The following MPDZ variants were observed in gnomAD, a reference collection of about 807,000 sequenced individuals.
The protein encoded by MPDZ is multiple PDZ domain crumbs cell polarity complex component.
A neutral mutation model predicts 239.1 loss-of-function variants in MPDZ; 234 were observed. The observed-to-expected ratio is 0.98, with a 90% CI of 0.88 to 1.09. The LOEUF is 1.09. Among genes scored for constraint, MPDZ ranks in the 50% least tolerant of loss-of-function variants. The pLI, the probability that MPDZ is intolerant of heterozygous loss-of-function variation, is 0.00. For missense variants in MPDZ, 3,175 were observed against 2,510.0 expected (o/e 1.26, Z -5.66); for synonymous variants, 1,048 against 881.3 (o/e 1.19, Z -3.35).
intron 1 of MPDZ, among the ~76,000 whole-genome samples, chr9:13,262,459 A>T (rs886732397): frequency 6.6e-6 from 1 of 152,126 alleles, no homozygotes. Flanking sequence ...TCAAAAAAAT[A>T]ATAATAAAAA....
intron 6 of MPDZ, 93 bp from the exon 7 acceptor site, chr9:13,221,593 A>G (rs1959100902): frequency 1.6e-6 from 2 of 1,286,400 alleles, no homozygotes; most frequent in Admixed American, 5.0e-5. Flanking sequence ...TTTTGTTAAT[A>G]TTAAATAATT....
At chr9:13,171,929 T>C (rs955653223) in intron 21 of MPDZ, among the ~76,000 whole-genome samples, 1 of 152,174 alleles carries the variant, frequency 6.6e-6, no homozygotes, top group East Asian at 1.9e-4. Context: ...ACTTTTCCAC[T>C]AGCACAAACC....
chr9:13,134,002 T>A, intron 31 of MPDZ, 98 bp from the exon 32 acceptor site: 1 of 416,166 alleles, frequency 2.4e-6, no homozygotes, highest in Non-Finnish European at 4.1e-6. Flanking sequence ...ATTTTATACA[T>A]TATATAAAAT....
At chr9:13,187,297 GA>G (rs987968717) in intron 17 of MPDZ, among the ~76,000 whole-genome samples, 21 of 147,552 alleles carry the variant, frequency 1.4e-4, no homozygotes, top group East Asian at 7.9e-4. Flanking sequence ...GAACTATACA[GA>G]AAAAAAAAAG....
At chr9:13,236,516 G>C (rs1817666123) in intron 3 of MPDZ, among the ~76,000 whole-genome samples, 1 of 150,798 alleles carries the variant, frequency 6.6e-6, no homozygotes, top group Non-Finnish European at 1.5e-5. Context: ...CCCGACCTCA[G>C]GTGACCCGCC....
intron 23 of MPDZ, among the ~76,000 whole-genome samples, chr9:13,158,479 A>G (rs1243780480): frequency 6.6e-6 from 1 of 152,180 alleles, no homozygotes; most frequent in Non-Finnish European, 1.5e-5. Flanking sequence ...GCAGGAAGCT[A>G]GAAGCACCAT....
intron 3 of MPDZ, among the ~76,000 whole-genome samples, chr9:13,244,403 C>G (rs962207079): frequency 2.0e-5 from 3 of 152,152 alleles, no homozygotes; most frequent in African/African-American, 7.2e-5. Context: ...TTGCATTTGA[C>G]AGATCATTGA....
At chr9:13,183,293 A>C in intron 19 of MPDZ, 125 bp downstream of exon 19, 1 of 711,856 alleles carries the variant, frequency 1.4e-6, no homozygotes, top group Non-Finnish European at 2.2e-6. Flanking sequence ...TCCAATAATG[A>C]ATCCACAACT....
At chr9:13,108,144 C>T (rs545311715) in intron 46 of MPDZ, among the ~76,000 whole-genome samples, 6 of 152,202 alleles carry the variant, frequency 3.9e-5, no homozygotes, top group African/African-American at 1.4e-4. Flanking sequence ...TTTTTAAACA[C>T]GTTTGACTAA....
chr9:13,246,434 T>C (rs1025965050), intron 3 of MPDZ, among the ~76,000 whole-genome samples: 1 of 152,154 alleles, frequency 6.6e-6, no homozygotes. Flanking sequence ...AGAATGAGAC[T>C]CTGTCTCAAA....
At position 13,187,619 on chromosome 9, in the gene MPDZ, C is replaced by T. The variant is rs549786257; in HGVS notation, c.2364+1165G>A. 9.3e-4 allele frequency among the ~76,000 whole-genome samples: 142 copies of T among 152,240 alleles called. 1 individual carries two copies. The highest frequency in any genetic ancestry group is 3.4e-3 in the Middle Eastern group (1 of 294). ...TATTTTAATAGGCTACTGAAATTCT[C>T]TGTGGACTAAAAAGTGGTGCACAAA... On this transcript the variant is annotated intron_variant, in intron 17 of 46. Coordinates refer to ENST00000319217, the MANE Select transcript of MPDZ (RefSeq NM_001378778.1).
rs1959495687 is a variant in MPDZ at position 13,223,556 on chromosome 9, C to A, written c.533+15G>T. ...TGTGGGATCAAAAACAAAGAAGACG[C>A]CGCGACCATCTCACCTATGGGCCAC... On this transcript the variant is annotated intron_variant, in intron 5 of 46. Transcript: ENST00000319217. The A allele has an allele frequency of 7.5e-6, 12 of 1,596,610 alleles. No homozygotes were observed. The East Asian group carries it at 2.7e-4, about 36-fold the overall frequency.
At chr9:13,218,324 T>C (rs930035780) in intron 8 of MPDZ, among the ~76,000 whole-genome samples, 1 of 151,930 alleles carries the variant, frequency 6.6e-6, no homozygotes, top group Middle Eastern at 3.4e-3. Flanking sequence ...CTTATGCGAG[T>C]GCTATTTTAG....
Position 13,106,613 on chromosome 9 carries a change from T to C in MPDZ, c.*352A>G, listed in dbSNP as rs1160724979. The C allele has an allele frequency of 5.8e-6, 1 of 171,990 alleles. No individual in the cohort carries two copies. The highest frequency in any genetic ancestry group is 1.5e-4 in the East Asian group (1 of 6,466). 10.7% of individuals were successfully genotyped at this position (171,990 alleles called of 1,614,324 possible). A position where few individuals can be genotyped will look rare whatever the true frequency, so the allele number is the denominator to read the frequency against. On this transcript the variant is annotated 3_prime_UTR_variant, in exon 47 of 47. Coordinates refer to ENST00000319217, the MANE Select transcript of MPDZ (RefSeq NM_001378778.1). ...TTTCATCCTAATTTACTGAAGCCAT[T>C]TTCTTTGGTTAGCTTTAGAATTATC...
chr9:13,196,212 G>T lies in MPDZ; in HGVS notation c.1565C>A (p.Ala522Asp). Residue 522 changes from alanine (A) to aspartate (D), a missense_variant, in exon 13 of 47, where the codon GCT becomes GAT. Physicochemically the swap from Ala to Asp is moderately radical, Grantham distance 126. Coordinates refer to ENST00000319217, the MANE Select transcript of MPDZ (RefSeq NM_001378778.1). Reference protein sequence around the residue: ...TEEEGYPLLSAEIEEIEDAQK... With the variant: ...TEEEGYPLLSDEIEEIEDAQK... Reference sequence around the variant, plus strand: ...TGCATCTTCTATTTCTTCTATCTCAGCTGACAGTAATGGATACCCTGAAAC... The same window carrying T: ...TGCATCTTCTATTTCTTCTATCTCATCTGACAGTAATGGATACCCTGAAAC... The T allele has an allele frequency of 6.3e-7, 1 of 1,591,608 alleles. No individual in the cohort carries two copies. The highest frequency in any genetic ancestry group is 1.1e-5 in the South Asian group (1 of 87,818).
chr9:13,131,423 T>C (rs1257280191), intron 32 of MPDZ, among the ~76,000 whole-genome samples: 1 of 152,174 alleles, frequency 6.6e-6, no homozygotes, highest in African/African-American at 2.4e-5. Flanking sequence ...ATAAAGGGAT[T>C]TTCCTCATCT....
In MPDZ at chr9:13,105,718, C is replaced by T. The variant is rs1237876840; in HGVS notation, c.*1247G>A. The T allele has an allele frequency of 6.6e-6, 1 of 152,150 alleles. No homozygotes were observed. The highest frequency in any genetic ancestry group is 6.5e-5 in the Admixed American group (1 of 15,270). The allele number at this position is 152,150 out of a possible 1,614,324, so 9.4% of individuals were successfully genotyped here. A position where few individuals can be genotyped will look rare whatever the true frequency, so the allele number is the denominator to read the frequency against. On this transcript the variant is annotated 3_prime_UTR_variant, in exon 47 of 47. Coordinates refer to ENST00000319217, the MANE Select transcript of MPDZ (RefSeq NM_001378778.1). ...ATGCTTGCTGCTTATTTGTGCACCA[C>T]TGAAAATTCTTATTTATTCACTTTA...
At position 13,250,390 on chromosome 9, in the gene MPDZ, A is replaced by G. The variant is rs1220031969; in HGVS notation, c.-57-18T>C. ...ATGGAACTCTGTGCAAAAAAGAAAT[A>G]GAATGGTTATGTTTTATCAGAACTT... On this transcript the variant is annotated intron_variant, in intron 1 of 46. Coordinates refer to ENST00000319217, the MANE Select transcript of MPDZ (RefSeq NM_001378778.1). 1.5e-6 allele frequency: 2 copies of G among 1,306,324 alleles called. No individual in the cohort carries two copies. The highest frequency in any genetic ancestry group is 2.2e-6 in the Non-Finnish European group (2 of 927,938). The allele number at this position is 1,306,324 out of a possible 1,614,324, so 80.9% of individuals were successfully genotyped here. A position where few individuals can be genotyped will look rare whatever the true frequency, so the allele number is the denominator to read the frequency against.
chr9:13,120,329 C>A (rs1319362157), intron 38 of MPDZ: 2 of 152,154 alleles, frequency 1.3e-5, no homozygotes, highest in Non-Finnish European at 2.9e-5. Flanking sequence ...AACTGTATCA[C>A]TTGTTCTTGC....
Sources: gnomAD v4.1 joint callset for allele counts (sites outside exome capture counted in the v4.1 genomes callset) on GRCh38, gnomAD v4.1.1 for gene constraint, MANE v1.5 for transcripts, NCBI Gene and HGNC (gene_info 2026-07-23, HGNC 2026-07-21) for gene names.